The following PCDH15 variants were observed in gnomAD, a reference collection of about 807,000 sequenced individuals.
PCDH15 encodes the protein protocadherin-15.
PCDH15 carries 129 observed loss-of-function variants against 178.5 expected under a neutral mutation model. The ratio of observed to expected loss-of-function variants is 0.72; its 90% CI spans 0.63 to 0.84. The LOEUF (loss-of-function observed/expected upper bound fraction) is 0.84. Among genes scored for constraint, PCDH15 ranks in the 40% least tolerant of loss-of-function variants. PCDH15 has a pLI of 0.00. For synonymous variants in PCDH15, 800 were observed against 732.0 expected (o/e 1.09, Z -1.50); for missense variants, 2,230 against 2,099.9 (o/e 1.06, Z -1.21).
intron 3 of PCDH15, among the ~76,000 whole-genome samples, chr10:54,877,197 A>T (rs1353917525): frequency 6.6e-6 from 1 of 152,200 alleles, no homozygotes; most frequent in Non-Finnish European, 1.5e-5. Context: ...ATATGTTGTG[A>T]CACAGTTAAT....
At chr10:54,634,998 C>T (rs1479394019) in intron 2 of PCDH15, among the ~76,000 whole-genome samples, 1 of 151,660 alleles carries the variant, frequency 6.6e-6, no homozygotes, top group East Asian at 1.9e-4. Context: ...ATTTATAGAG[C>T]AGAGCTTTTA....
At chr10:54,345,539 GTTAAAAAAAATC>G (rs1167347789) in intron 6 of PCDH15, among the ~76,000 whole-genome samples, 1 of 151,828 alleles carries the variant, frequency 6.6e-6, no homozygotes, top group Non-Finnish European at 1.5e-5. Flanking sequence ...TCTAGCTTCA[GTTAAAAAAAATC>G]TTACTTTGTC....
intron 2 of PCDH15, among the ~76,000 whole-genome samples, chr10:55,380,473 CA>C (rs1396751895): frequency 1.3e-5 from 2 of 152,064 alleles, no homozygotes; most frequent in African/African-American, 4.8e-5. Context: ...GTTAGTATTG[CA>C]AACAACTTTA....
intron 2 of PCDH15, among the ~76,000 whole-genome samples, chr10:55,056,424 T>C (rs1219401321): frequency 6.6e-6 from 1 of 151,970 alleles, no homozygotes; most frequent in African/African-American, 2.4e-5. Context: ...TAAAATCCTA[T>C]TTTAATGAAA....
At chr10:55,501,841 CAATT>C (rs1312430072) in intron 2 of PCDH15, among the ~76,000 whole-genome samples, 11 of 151,662 alleles carry the variant, frequency 7.3e-5, no homozygotes, top group Admixed American at 7.2e-4. Context: ...TCTTGTTTAT[CAATT>C]AATCAGTAAT....
At chr10:55,233,087 A>G (rs1274673997) in intron 1 of PCDH15, among the ~76,000 whole-genome samples, 5 of 152,122 alleles carry the variant, frequency 3.3e-5, no homozygotes, top group African/African-American at 1.2e-4. Context: ...TTTTCTTTAC[A>G]TTAAAATGAT....
At chr10:54,645,006 C>T (rs899888816) in intron 2 of PCDH15, among the ~76,000 whole-genome samples, 1 of 152,152 alleles carries the variant, frequency 6.6e-6, no homozygotes, top group Non-Finnish European at 1.5e-5. Context: ...CTTTGACTTC[C>T]AGCCTCCAGA....
intron 2 of PCDH15, among the ~76,000 whole-genome samples, chr10:55,346,075 C>G (rs1844746077): frequency 6.6e-6 from 1 of 152,096 alleles, no homozygotes; most frequent in Non-Finnish European, 1.5e-5. Flanking sequence ...CTTAGCTAAA[C>G]TAACAAATAA....
chr10:53,926,840 T>C (rs2084598842), intron 25 of PCDH15, among the ~76,000 whole-genome samples: 1 of 152,246 alleles, frequency 6.6e-6, no homozygotes, highest in South Asian at 2.1e-4. Flanking sequence ...TACTTCATGC[T>C]ACTACTTATT....
intron 2 of PCDH15, among the ~76,000 whole-genome samples, chr10:55,371,636 T>A (rs1845511123): frequency 6.6e-6 from 1 of 152,020 alleles, no homozygotes; most frequent in Non-Finnish European, 1.5e-5. Context: ...TCTCCCATGG[T>A]AAAGACATGC....
At chr10:54,881,769 A>G (rs1591760855) in intron 3 of PCDH15, among the ~76,000 whole-genome samples, 1 of 152,156 alleles carries the variant, frequency 6.6e-6, no homozygotes, top group Admixed American at 6.6e-5. Context: ...TTGAAATCAT[A>G]GTCAATAGAC....
At chr10:54,742,311 G>T (rs1322083701) in intron 1 of PCDH15, among the ~76,000 whole-genome samples, 1 of 151,950 alleles carries the variant, frequency 6.6e-6, no homozygotes, top group Non-Finnish European at 1.5e-5. Context: ...CCTACAGTGT[G>T]TATGGGTAAG....
chr10:54,896,342 A>C (rs2131821013), intron 3 of PCDH15, among the ~76,000 whole-genome samples: 1 of 152,330 alleles, frequency 6.6e-6, no homozygotes, highest in East Asian at 1.9e-4. Context: ...AAACTAGAGT[A>C]GAAACAGCTG....
At chr10:53,934,622 G>A (rs137909240) in intron 25 of PCDH15, among the ~76,000 whole-genome samples, 1 of 151,764 alleles carries the variant, frequency 6.6e-6, no homozygotes, top group African/African-American at 2.4e-5. Context: ...ATCACACGGA[G>A]ATGTAACATG....
chr10:54,127,352 T>C (rs1367005918), intron 15 of PCDH15, among the ~76,000 whole-genome samples: 1 of 152,224 alleles, frequency 6.6e-6, no homozygotes, highest in Admixed American at 6.5e-5. Context: ...AGTAGGTGAA[T>C]GGATCATTTG....
intron 2 of PCDH15, among the ~76,000 whole-genome samples, chr10:54,956,208 T>A (rs1456307356): frequency 3.3e-5 from 5 of 151,302 alleles, no homozygotes; most frequent in Non-Finnish European, 7.4e-5. Context: ...ACCACATAAG[T>A]ATTGTGTATT....
chr10:54,354,531 TC>T (rs1944668185), intron 5 of PCDH15, among the ~76,000 whole-genome samples: 1 of 152,162 alleles, frequency 6.6e-6, no homozygotes, highest in East Asian at 1.9e-4. Flanking sequence ...CTTACTTCTT[TC>T]TTTAACTTTA....
chr10:54,677,489 G>C (rs1460429986), intron 1 of PCDH15, among the ~76,000 whole-genome samples: 1 of 152,046 alleles, frequency 6.6e-6, no homozygotes, highest in Non-Finnish European at 1.5e-5. Context: ...GTGTGTGTGC[G>C]TGCGTGTCAG....
At chr10:53,819,360 A>G (rs1225382412) in intron 33 of PCDH15, among the ~76,000 whole-genome samples, 1 of 152,064 alleles carries the variant, frequency 6.6e-6, no homozygotes, top group East Asian at 1.9e-4. Context: ...TTCCATTCAC[A>G]TTTTTGTTGC....
Sources: gnomAD v4.1 joint callset for allele counts (sites outside exome capture counted in the v4.1 genomes callset) on GRCh38, gnomAD v4.1.1 for gene constraint, MANE v1.5 for transcripts, NCBI Gene and HGNC (gene_info 2026-07-23, HGNC 2026-07-21) for gene names.